The following HSD11B2 variants were observed in gnomAD, a reference collection of about 807,000 sequenced individuals.
The protein encoded by HSD11B2 is 11-beta-hydroxysteroid dehydrogenase type 2.
In HSD11B2, 17 loss-of-function variants were observed where a neutral mutation model predicts 20.9. That is an observed-to-expected ratio of 0.81 (90% CI 0.56 to 1.22). The LOEUF (loss-of-function observed/expected upper bound fraction) is 1.22, where lower values mean the gene tolerates loss of function less well. HSD11B2 is among the 50% of genes most tolerant of loss of function. The pLI, the probability that HSD11B2 is intolerant of heterozygous loss-of-function variation, is 0.00. For missense variants in HSD11B2, 480 were observed against 563.6 expected (o/e 0.85, Z 1.50); for synonymous variants, 253 against 255.4 (o/e 0.99, Z 0.09).
upstream of HSD11B2, among the ~76,000 whole-genome samples, chr16:67,430,139 G>C (rs949737899): frequency 6.6e-6 from 1 of 152,080 alleles, no homozygotes; most frequent in Non-Finnish European, 1.5e-5. This position sits in a 1 kb window ranked among gnomAD's most constrained non-coding sequence, Gnocchi z 5.4. Context: ...CACGGGGGTG[G>C]GCAGGGTGGG....
intron 1 of HSD11B2, among the ~76,000 whole-genome samples, chr16:67,433,706 A>G (rs1043783475): frequency 2.1e-5 from 3 of 140,218 alleles, no homozygotes; most frequent in Non-Finnish European, 3.0e-5. Flanking sequence ...ACACACACAC[A>G]CACACACACA....
intron 1 of HSD11B2, 47 bp downstream of exon 1, chr16:67,431,560 G>A: frequency 7.7e-7 from 1 of 1,305,162 alleles, no homozygotes; most frequent in Non-Finnish European, 9.8e-7. Flanking sequence ...CTCGAGGGCG[G>A]GACTGGACAC....
In HSD11B2 at chr16:67,436,728, A is replaced by G. The variant is rs889138699; in HGVS notation, c.943A>G (p.Met315Val). ...GQFLHSLRLA[M>V]SDLTPVVDAI... ...GTTCCTGCACTCGCTACGCCTGGCCATGTCCGACCTCACCCCAGTTGTAGA... is the reference window on the plus strand; with the variant it reads ...GTTCCTGCACTCGCTACGCCTGGCCGTGTCCGACCTCACCCCAGTTGTAGA... The change falls in exon 5 of 5, where the codon ATG becomes GTG. Residue 315 changes from methionine (M) to valine (V), a missense_variant. By Grantham distance (21) the Met-to-Val change is conservative. Around this residue, in one of 2 missense-constraint regions of HSD11B2, gnomAD observed 374 missense variants for 480.9 expected, o/e 0.78. Coordinates refer to ENST00000326152, the MANE Select transcript of HSD11B2 (RefSeq NM_000196.4). The surrounding 1 kb of genome is among the most constrained non-coding windows in gnomAD (Gnocchi z 5.7). 2 of 1,613,972 alleles carry G rather than the reference A, an allele frequency of 1.2e-6. No individual in the cohort carries two copies. Among genetic ancestry groups the G allele is most frequent in the African/African-American group, 1.3e-5 (1 of 74,938 alleles).
chr16:67,435,703 T>G lies in HSD11B2; in HGVS notation c.341T>G (p.Leu114Trp), dbSNP rs770686551. The G allele has an allele frequency of 6.2e-7, 1 of 1,613,816 alleles. No individual in the cohort carries two copies. The highest frequency in any genetic ancestry group is 8.5e-7 in the Non-Finnish European group (1 of 1,179,984). ...SMGFTVLATV[L>W]ELNSPGAIEL... ...GGCTTCACGGTGCTGGCCACCGTAT[T>G]GGAGTTGAACAGCCCCGGTGCCATC... Residue 114 changes from leucine to tryptophan, a missense_variant, in exon 2 of 5, where the codon TTG (leucine) becomes TGG (tryptophan). Physicochemically the swap from Leu to Trp is moderately conservative, Grantham distance 61. This residue lies in a region of HSD11B2 where 374 missense variants were observed against 480.9 expected (regional missense o/e 0.78). Transcript: ENST00000326152.
upstream of HSD11B2, among the ~76,000 whole-genome samples, chr16:67,429,881 G>A (rs45582435): frequency 6.2e-4 from 94 of 152,202 alleles, 1 homozygote; most frequent in African/African-American, 2.2e-3. Flanking sequence ...AACCCTGGCA[G>A]AGCCTGGGCA....
chr16:67,433,521 G>A (rs989738255), intron 1 of HSD11B2, among the ~76,000 whole-genome samples: 1 of 152,040 alleles, frequency 6.6e-6, no homozygotes, highest in African/African-American at 2.4e-5. Flanking sequence ...AGGTATCTGA[G>A]GGTGTGCACG....
Position 67,436,003 on chromosome 16 carries a change from T to C in HSD11B2, c.525T>C (p.Ala175=). 1 of 1,614,224 alleles carries C rather than the reference T, an allele frequency of 6.2e-7. No individual in the cohort carries two copies. Among genetic ancestry groups the C allele is most frequent in the Non-Finnish European group, 8.5e-7 (1 of 1,180,030 alleles). ...VNNAGHNEVV[A]DAELSPVATF... Reference sequence around the variant, plus strand: ...ACGCAGGCCACAATGAAGTAGTTGCTGATGCGGAGCTGTCTCCAGTGGCCA... The same window carrying C: ...ACGCAGGCCACAATGAAGTAGTTGCCGATGCGGAGCTGTCTCCAGTGGCCA... The change falls in exon 3 of 5, where the codon GCT becomes GCC. Residue 175 remains alanine, a synonymous_variant. Coordinates refer to ENST00000326152, the MANE Select transcript of HSD11B2 (RefSeq NM_000196.4). The surrounding 1 kb of genome is among the most constrained non-coding windows in gnomAD (Gnocchi z 5.7).
In HSD11B2 at chr16:67,436,562, C is replaced by G. The variant is rs2549647; in HGVS notation, c.803-26C>G. ...GCTTTGGCTCCCCTAGCTGATCCCA[C>G]TCTGACCTTGCCACTCCTTCCCCAG... On this transcript the variant is annotated intron_variant, in intron 4 of 4. Transcript: ENST00000326152. The surrounding 1 kb of genome is among the most constrained non-coding windows in gnomAD (Gnocchi z 5.7). 1.2e-6 allele frequency: 2 copies of G among 1,613,762 alleles called. No individual in the cohort carries two copies. The highest frequency in any genetic ancestry group is 1.1e-5 in the South Asian group (1 of 91,036).
intron 1 of HSD11B2, among the ~76,000 whole-genome samples, chr16:67,432,259 A>AAG (rs1491516414): frequency 9.7e-6 from 1 of 103,362 alleles, no homozygotes; most frequent in African/African-American, 3.2e-5. Flanking sequence ...GGGAAGGGGA[A>AAG]GGGGGGGGGG....
chr16:67,437,091 C>A lies in HSD11B2; in HGVS notation c.*88C>A, dbSNP rs996936782. ...CCCGAAAACCCCCAGCATTACGATC[C>A]CCCAAGTGTCCTGGACCCTGGCCTA... On this transcript the variant is annotated 3_prime_UTR_variant, in exon 5 of 5. Coordinates refer to ENST00000326152, the MANE Select transcript of HSD11B2 (RefSeq NM_000196.4). 5.9e-5 allele frequency: 80 copies of A among 1,348,150 alleles called. 1 individual carries two copies. In the South Asian group the frequency reaches 1.0e-3, roughly 17 times the overall value. 83.5% of individuals were successfully genotyped at this position (1,348,150 alleles called of 1,614,324 possible). A position where few individuals can be genotyped will look rare whatever the true frequency, so the allele number is the denominator to read the frequency against.
upstream of HSD11B2, among the ~76,000 whole-genome samples, chr16:67,430,257 G>A (rs2040920093): frequency 6.6e-6 from 1 of 152,128 alleles, no homozygotes; most frequent in Admixed American, 6.5e-5. The surrounding 1 kb of genome is among the most constrained non-coding windows in gnomAD (Gnocchi z 5.4). Flanking sequence ...GGGGAGCAAG[G>A]CAGGGACCAC....
intron 1 of HSD11B2, among the ~76,000 whole-genome samples, chr16:67,434,129 C>T (rs967159917): frequency 1.5e-5 from 2 of 134,996 alleles, no homozygotes; most frequent in Admixed American, 1.5e-4. Context: ...AATTAAGCCT[C>T]CAAGAGTGGT....
chr16:67,432,267 G>GA (rs1186097694), intron 1 of HSD11B2, among the ~76,000 whole-genome samples: 1 of 152,082 alleles, frequency 6.6e-6, no homozygotes, highest in African/African-American at 2.4e-5. Flanking sequence ...GAAGGGGGGG[G>GA]GGGGCTGGAG....
At position 67,436,631 on chromosome 16, in the gene HSD11B2, G is replaced by A. The variant is rs2040976507; in HGVS notation, c.846G>A (p.Leu282=). The change falls in exon 5 of 5, where the codon TTG becomes TTA. Residue 282 remains leucine (L), a synonymous_variant. Coordinates refer to ENST00000326152, the MANE Select transcript of HSD11B2 (RefSeq NM_000196.4). The surrounding 1 kb of genome is among the most constrained non-coding windows in gnomAD (Gnocchi z 5.7). ...GTCAGTGGGAAAAGCGCAAGCAATTGCTGCTGGCCAACCTGCCTCAAGAGC... is the reference window on the plus strand; with the variant it reads ...GTCAGTGGGAAAAGCGCAAGCAATTACTGCTGGCCAACCTGCCTCAAGAGC... ...NVGQWEKRKQ[L]LLANLPQELL... is the part of the protein sequence containing the mutation. The A allele has an allele frequency of 6.2e-7, 1 of 1,614,052 alleles. No homozygotes were observed. The highest frequency in any genetic ancestry group is 8.5e-7 in the Non-Finnish European group (1 of 1,180,030).
At position 67,435,698 on chromosome 16, in the gene HSD11B2, C is replaced by T. The variant is rs147780776; in HGVS notation, c.336C>T (p.Thr112=). Residue 112 remains threonine, a synonymous_variant, in exon 2 of 5, where the codon ACC becomes ACT. Transcript: ENST00000326152. Reference sequence around the variant, plus strand: ...CCATGGGCTTCACGGTGCTGGCCACCGTATTGGAGTTGAACAGCCCCGGTG... The same window carrying T: ...CCATGGGCTTCACGGTGCTGGCCACTGTATTGGAGTTGAACAGCCCCGGTG... The part of the protein sequence containing the change: ...LDSMGFTVLA[T]VLELNSPGAI... The T allele has an allele frequency of 5.5e-5, 88 of 1,613,802 alleles. No individual in the cohort carries two copies. Among genetic ancestry groups the T allele is most frequent in the Middle Eastern group, 1.6e-4 (1 of 6,084 alleles).
chr16:67,437,132 A>C lies in HSD11B2; in HGVS notation c.*129A>C, dbSNP rs2040983682. 8.1e-6 allele frequency: 8 copies of C among 989,360 alleles called. No homozygotes were observed. Among genetic ancestry groups the C allele is most frequent in the Admixed American group, 2.4e-5 (1 of 42,046 alleles). 61.3% of individuals were successfully genotyped at this position (989,360 alleles called of 1,614,324 possible). A position where few individuals can be genotyped will look rare whatever the true frequency, so the allele number is the denominator to read the frequency against. On this transcript the variant is annotated 3_prime_UTR_variant, in exon 5 of 5. Coordinates refer to ENST00000326152, the MANE Select transcript of HSD11B2 (RefSeq NM_000196.4). Reference sequence around the variant, plus strand: ...CCCTGGCCTAAAGAATCCCACCCCCACTTCATGCCCACTGCCGATGCCCAA... The same window carrying C: ...CCCTGGCCTAAAGAATCCCACCCCCCCTTCATGCCCACTGCCGATGCCCAA...
At chr16:67,435,408 G>A in intron 1 of HSD11B2, 5 of 645,032 alleles carry the variant, frequency 7.8e-6, no homozygotes, top group Non-Finnish European at 8.4e-6. Flanking sequence ...GTAGCCACGG[G>A]GAGTCAGGCA....
Position 67,437,368 on chromosome 16 carries a change from A to C in HSD11B2, c.*365A>C. The C allele has an allele frequency of 5.7e-6, 2 of 351,678 alleles. No individual in the cohort carries two copies. Among genetic ancestry groups the C allele is most frequent in the Non-Finnish European group, 1.1e-5 (2 of 189,550 alleles). The allele number at this position is 351,678 out of a possible 1,614,324, so 21.8% of individuals were successfully genotyped here. A position where few individuals can be genotyped will look rare whatever the true frequency, so the allele number is the denominator to read the frequency against. ...TAAGGAGTGACTAGGTGGGTTGGGG[A>C]CCCCCTCAGGATTGTTTCTCGGCAC... is the stretch of plus-strand genomic sequence containing the variant. On this transcript the variant is annotated 3_prime_UTR_variant, in exon 5 of 5. Coordinates refer to ENST00000326152, the MANE Select transcript of HSD11B2 (RefSeq NM_000196.4).
Position 67,436,298 on chromosome 16 carries a change from C to T in HSD11B2, c.714C>T (p.Ala238=), listed in dbSNP as rs142615505. Residue 238 remains alanine, a synonymous_variant, in exon 4 of 5, where the codon GCC becomes GCT. Transcript: ENST00000326152. The surrounding 1 kb of genome is among the most constrained non-coding windows in gnomAD (Gnocchi z 5.7). ...CLGAYGTSKA[A]VALLMDTFSC... ...GGGCCTATGGAACCTCCAAAGCGGC[C>T]GTGGCGCTACTCATGGACACATTCA... The T allele has an allele frequency of 1.7e-5, 27 of 1,611,924 alleles. 1 individual carries two copies. The highest frequency in any genetic ancestry group is 1.1e-4 in the South Asian group (10 of 91,024).
Sources: gnomAD v4.1 joint callset for allele counts (sites outside exome capture counted in the v4.1 genomes callset) on GRCh38, gnomAD v4.1.1 for gene constraint, gnomAD v4.1.1 regional missense constraint, Gnocchi (gnomAD v3.1) non-coding constraint, MANE v1.5 for transcripts, NCBI Gene and HGNC (gene_info 2026-07-23, HGNC 2026-07-21) for gene names.